The following DPYD variants were observed in gnomAD, a reference collection of about 807,000 sequenced individuals.
The protein encoded by DPYD is dihydropyrimidine dehydrogenase, also known as dihydropyrimidine dehydrogenase [NADP(+)].
A neutral mutation model predicts 116.2 loss-of-function variants in DPYD; 109 were observed. That is an observed-to-expected ratio of 0.94 (90% confidence interval 0.80 to 1.10). The LOEUF (loss-of-function observed/expected upper bound fraction) is 1.10. Ranked by LOEUF, DPYD falls within the 50% of genes least tolerant of loss-of-function variation. The probability of loss-of-function intolerance (pLI) is 0.00; values close to 1 mark genes in which losing one functional copy is unlikely to be tolerated. For synonymous variants in DPYD, 440 were observed against 432.0 expected (o/e 1.02, Z -0.23); for missense variants, 1,302 against 1,254.5 (o/e 1.04, Z -0.57).
At chr1:97,587,824 CAAAAAAA>C (rs1245977630) in intron 10 of DPYD, among the ~76,000 whole-genome samples, 1 of 57,418 alleles carries the variant, frequency 1.7e-5, no homozygotes, top group Non-Finnish European at 3.5e-5. Flanking sequence ...ACTCCATCTC[CAAAAAAA>C]AAAAAAAGAA....
intron 8 of DPYD, among the ~76,000 whole-genome samples, chr1:97,603,246 T>C (rs544094475): frequency 1.4e-4 from 21 of 152,020 alleles, no homozygotes; most frequent in East Asian, 1.2e-3. Flanking sequence ...GTACACTATA[T>C]CCCAAAGTAA....
chr1:97,559,770 T>C (rs1295445180), intron 11 of DPYD, among the ~76,000 whole-genome samples: 1 of 152,146 alleles, frequency 6.6e-6, no homozygotes, highest in Non-Finnish European at 1.5e-5. Flanking sequence ...TTTCTTTATA[T>C]AGAGAACTAG....
chr1:97,775,623 C>T (rs1201643701), intron 3 of DPYD, among the ~76,000 whole-genome samples: 1 of 152,118 alleles, frequency 6.6e-6, no homozygotes, highest in Non-Finnish European at 1.5e-5. Context: ...CTTAACTCTG[C>T]TCTGTTTTTA....
At chr1:97,574,826 T>C (rs1653157090) in intron 10 of DPYD, among the ~76,000 whole-genome samples, 1 of 152,204 alleles carries the variant, frequency 6.6e-6, no homozygotes, top group African/African-American at 2.4e-5. Context: ...TTTGGGATGT[T>C]GTCTTATTAT....
intron 8 of DPYD, among the ~76,000 whole-genome samples, chr1:97,672,247 A>T (rs892030914): frequency 6.6e-6 from 1 of 152,116 alleles, no homozygotes; most frequent in Admixed American, 6.6e-5. Context: ...TTTCTTCCTC[A>T]ATACTTCTAA....
intron 7 of DPYD, among the ~76,000 whole-genome samples, chr1:97,682,673 A>G (rs1334693479): frequency 6.6e-6 from 1 of 152,156 alleles, no homozygotes; most frequent in Non-Finnish European, 1.5e-5. Flanking sequence ...TCTCAATGTT[A>G]TTTGTTAAAT....
chr1:97,774,265 A>G (rs1384141370), intron 3 of DPYD, among the ~76,000 whole-genome samples: 1 of 152,180 alleles, frequency 6.6e-6, no homozygotes, highest in Non-Finnish European at 1.5e-5. Context: ...CCACTCTTCC[A>G]AAACACTGCC....
At chr1:97,436,257 C>G (rs927559660) in intron 14 of DPYD, among the ~76,000 whole-genome samples, 1 of 151,778 alleles carries the variant, frequency 6.6e-6, no homozygotes, top group African/African-American at 2.4e-5. Context: ...GATCGCAACA[C>G]GAATTGTTAT....
At chr1:97,775,832 T>C (rs2101183145) in intron 3 of DPYD, among the ~76,000 whole-genome samples, 1 of 152,282 alleles carries the variant, frequency 6.6e-6, no homozygotes, top group Middle Eastern at 3.4e-3. Context: ...AATCCCACAT[T>C]GGGTCATCAT....
intron 8 of DPYD, among the ~76,000 whole-genome samples, chr1:97,632,364 T>TC (rs1657316399): frequency 6.6e-6 from 1 of 152,112 alleles, no homozygotes; most frequent in South Asian, 2.1e-4. Flanking sequence ...CTATCTACCA[T>TC]CCCCAGTATT....
intron 14 of DPYD, among the ~76,000 whole-genome samples, chr1:97,417,794 T>C (rs921926295): frequency 6.6e-6 from 1 of 152,196 alleles, no homozygotes; most frequent in Admixed American, 6.5e-5. Context: ...AATTATCTTG[T>C]TATCAGTTTA....
intron 21 of DPYD, among the ~76,000 whole-genome samples, chr1:97,088,995 T>C (rs1649713580): frequency 6.6e-6 from 1 of 152,182 alleles, no homozygotes; most frequent in African/African-American, 2.4e-5. Context: ...GTATCCAATA[T>C]GGTCTTGCAG....
chr1:97,807,922 A>T (rs1668152544), intron 3 of DPYD, among the ~76,000 whole-genome samples: 1 of 152,064 alleles, frequency 6.6e-6, no homozygotes, highest in African/African-American at 2.4e-5. Flanking sequence ...TTTGTCAAAG[A>T]CAAGTTGATT....
chr1:97,222,133 G>A (rs1660818188), intron 19 of DPYD, among the ~76,000 whole-genome samples: 1 of 152,068 alleles, frequency 6.6e-6, no homozygotes, highest in South Asian at 2.1e-4. Context: ...AATAAAAATA[G>A]TAGTTTAAGA....
chr1:97,659,277 G>A (rs534638794), intron 8 of DPYD, among the ~76,000 whole-genome samples: 1 of 152,280 alleles, frequency 6.6e-6, no homozygotes, highest in East Asian at 1.9e-4. Flanking sequence ...CATAGTAAAT[G>A]CTGGTAGAAT....
chr1:97,287,075 T>C (rs1665742043), intron 18 of DPYD, among the ~76,000 whole-genome samples: 1 of 152,158 alleles, frequency 6.6e-6, no homozygotes. Context: ...TTTTGGTCTT[T>C]GATGATGGTG....
intron 2 of DPYD, among the ~76,000 whole-genome samples, chr1:97,859,372 C>A (rs72734069): frequency 6.6e-6 from 1 of 152,094 alleles, no homozygotes; most frequent in African/African-American, 2.4e-5. Flanking sequence ...AGATTCATTC[C>A]TTATCTATAA....
intron 12 of DPYD, among the ~76,000 whole-genome samples, chr1:97,516,292 G>A (rs949075997): frequency 2.0e-5 from 3 of 151,946 alleles, no homozygotes; most frequent in Non-Finnish European, 2.9e-5. Flanking sequence ...AATACCTTTA[G>A]TGCTCAGAGA....
At chr1:97,328,219 T>G (rs10875069) in intron 16 of DPYD, among the ~76,000 whole-genome samples, 49,495 of 151,984 alleles carry the variant, frequency 0.33, 8,234 homozygotes, top group Middle Eastern at 0.37. Flanking sequence ...TCTGAGCCTA[T>G]GTTATTCATA....
Sources: gnomAD v4.1 joint callset for allele counts (sites outside exome capture counted in the v4.1 genomes callset) on GRCh38, gnomAD v4.1.1 for gene constraint, MANE v1.5 for transcripts, NCBI Gene and HGNC (gene_info 2026-07-23, HGNC 2026-07-21) for gene names.